Variants in TRIO observed in about 807,000 individuals in gnomAD.
The protein encoded by TRIO is triple functional domain protein.
Under a neutral mutation model 351.9 loss-of-function variants are expected in TRIO, and 58 were observed. That is an observed-to-expected ratio of 0.16 (90% CI 0.13 to 0.21). The LOEUF (loss-of-function observed/expected upper bound fraction) is 0.21, where lower values mean the gene tolerates loss of function less well. TRIO is among the 10% of genes least tolerant of loss of function. The pLI is 1.00. For synonymous variants in TRIO, 1,758 were observed against 1,595.7 expected (o/e 1.10, Z -2.42); for missense variants, 3,201 against 4,027.8 (o/e 0.79, Z 5.56).
chr5:14,503,042 A>G (rs1466788612), intron 54 of TRIO, among the ~76,000 whole-genome samples: 1 of 152,226 alleles, frequency 6.6e-6, no homozygotes, highest in Non-Finnish European at 1.5e-5. Flanking sequence ...TCAAGGAGTG[A>G]CAGTAAAATT....
At chr5:14,494,191 A>G (rs971934998) in intron 49 of TRIO, among the ~76,000 whole-genome samples, 1 of 152,184 alleles carries the variant, frequency 6.6e-6, no homozygotes, top group African/African-American at 2.4e-5. Context: ...ATATACCAAA[A>G]GGTTAATTCA....
chr5:14,395,873 G>T (rs781509627), intron 28 of TRIO, among the ~76,000 whole-genome samples: 2 of 151,800 alleles, frequency 1.3e-5, no homozygotes, highest in African/African-American at 2.4e-5. Context: ...GTGAAACCCC[G>T]TCTCTACTAA....
chr5:14,498,216 C>G lies in TRIO; in HGVS notation c.8175C>G (p.Thr2725=). Reference sequence around the variant, plus strand: ...CCTGGAAGGGCCCTGAACACAACACCTTGAACAACGATGGTCACTACAGCA... The same window carrying G: ...CCTGGAAGGGCCCTGAACACAACACGTTGAACAACGATGGTCACTACAGCA... ...SITWKGPEHN[T]LNNDGHYSIS... Residue 2725 remains threonine (T), a synonymous_variant, in exon 52 of 57, where the codon ACC becomes ACG. Transcript: ENST00000344204. 6.2e-7 allele frequency: 1 copy of G among 1,614,252 alleles called. No homozygotes were observed. Among genetic ancestry groups the G allele is most frequent in the Non-Finnish European group, 8.5e-7 (1 of 1,180,052 alleles).
chr5:14,204,663 T>TGAGAA (rs1791348163), intron 1 of TRIO, among the ~76,000 whole-genome samples: 1 of 152,240 alleles, frequency 6.6e-6, no homozygotes, highest in South Asian at 2.1e-4. Flanking sequence ...TCCTGAACCC[T>TGAGAA]GTCTCTCATT....
chr5:14,431,755 A>T lies in TRIO; in HGVS notation c.5203+11734A>T, dbSNP rs147258792. On this transcript the variant is annotated intron_variant, in intron 34 of 56. Transcript: ENST00000344204. ...GAGCCTGGGGGATTAAACAACAGACATTTATTCTCTCACAGTTCTGCAAGC... is the reference window on the plus strand; with the variant it reads ...GAGCCTGGGGGATTAAACAACAGACTTTTATTCTCTCACAGTTCTGCAAGC... Among the ~76,000 whole-genome samples the T allele has an allele frequency of 4.7e-3, 722 of 152,156 alleles. 3 individuals carry two copies. Among genetic ancestry groups the T allele is most frequent in the Admixed American group, 8.0e-3 (123 of 15,312 alleles).
chr5:14,402,009 G>A (rs1469976491), intron 31 of TRIO, among the ~76,000 whole-genome samples: 2 of 152,192 alleles, frequency 1.3e-5, no homozygotes, highest in African/African-American at 4.8e-5. Flanking sequence ...GGAAGCCATT[G>A]TGTTCATAAG....
intron 10 of TRIO, 83 bp from the exon 11 acceptor site, chr5:14,336,453 G>A (rs1561357119): frequency 7.4e-7 from 1 of 1,350,872 alleles, no homozygotes; most frequent in East Asian, 2.3e-5. Flanking sequence ...CAAATTGACT[G>A]TGTTGCTATA....
chr5:14,405,961 C>T lies in TRIO; in HGVS notation c.4830C>T (p.Thr1610=), dbSNP rs140153002. The change falls in exon 32 of 57, where the codon ACC becomes ACT. Residue 1610 remains threonine, a synonymous_variant. Coordinates refer to ENST00000344204, the MANE Select transcript of TRIO (RefSeq NM_007118.4). ...AGGAGCCCATTCACATCCCTAAGAC[C>T]GCTCCCGCCACAAGACAGAAGGGAA... is the stretch of plus-strand genomic sequence containing the variant. ...ALKEPIHIPK[T]APATRQKGRR... 1.4e-5 allele frequency: 23 copies of T among 1,607,600 alleles called. No homozygotes were observed. In the African/African-American group the frequency reaches 1.5e-4, roughly 10 times the overall value.
At chr5:14,385,813 G>A (rs76914632) in intron 21 of TRIO, among the ~76,000 whole-genome samples, 1,730 of 152,264 alleles carry the variant, frequency 0.011, 27 homozygotes, top group African/African-American at 0.04. Flanking sequence ...CCATTCAGTT[G>A]CTCAATAATT....
rs1757019760 is a variant in TRIO at position 14,498,131 on chromosome 5, A to G, written c.8090A>G (p.Glu2697Gly). 1.2e-6 allele frequency: 2 copies of G among 1,614,024 alleles called. No individual in the cohort carries two copies. Among genetic ancestry groups the G allele is most frequent in the African/African-American group, 2.7e-5 (2 of 74,892 alleles). The change falls in exon 52 of 57, where the codon GAG becomes GGG. Residue 2697 changes from glutamate (E) to glycine (G), a missense_variant. Physicochemically the swap from Glu to Gly is moderately conservative, Grantham distance 98. Transcript: ENST00000344204. ...ATTCCATTGAGTGAGGTCACGTGTG[A>G]GACAGGGGAGACCGTTGTTCTTAGA... is the stretch of plus-strand genomic sequence containing the variant. ...FVIPLSEVTC[E>G]TGETVVLRCR...
chr5:14,415,541 T>A (rs974314419), intron 33 of TRIO, among the ~76,000 whole-genome samples: 1 of 152,230 alleles, frequency 6.6e-6, no homozygotes, highest in African/African-American at 2.4e-5. Flanking sequence ...TTACAGCCAT[T>A]AACTGCGTTC....
At chr5:14,253,298 A>C (rs1376052480) in intron 1 of TRIO, among the ~76,000 whole-genome samples, 1 of 152,242 alleles carries the variant, frequency 6.6e-6, no homozygotes, top group Non-Finnish European at 1.5e-5. Flanking sequence ...AGTACAGAAT[A>C]GTACGTGTGT....
chr5:14,327,584 T>A (rs368688082), intron 9 of TRIO, among the ~76,000 whole-genome samples: 1 of 152,242 alleles, frequency 6.6e-6, no homozygotes, highest in Non-Finnish European at 1.5e-5. Flanking sequence ...CTATGGACTT[T>A]CCAGTAATCA....
At chr5:14,275,866 G>GTATATATATA (rs56388390) in intron 2 of TRIO, among the ~76,000 whole-genome samples, 24 of 143,942 alleles carry the variant, frequency 1.7e-4, no homozygotes, top group Non-Finnish European at 2.3e-4. Flanking sequence ...CTCTATGTGT[G>GTATATATATA]TATATATATA....
chr5:14,306,386 A>C (rs1431385722), intron 8 of TRIO, among the ~76,000 whole-genome samples: 1 of 152,338 alleles, frequency 6.6e-6, no homozygotes, highest in Non-Finnish European at 1.5e-5. Flanking sequence ...ACACATTTAT[A>C]ATTTTTTTAA....
intron 1 of TRIO, among the ~76,000 whole-genome samples, chr5:14,173,534 G>C (rs746152273): frequency 2.0e-5 from 3 of 152,042 alleles, no homozygotes; most frequent in Non-Finnish European, 4.4e-5. Flanking sequence ...TAAGTGTTCT[G>C]TGAGCCGCTA....
chr5:14,211,175 T>C (rs764560692), intron 1 of TRIO, among the ~76,000 whole-genome samples: 1 of 152,264 alleles, frequency 6.6e-6, no homozygotes, highest in Non-Finnish European at 1.5e-5. Context: ...CAACGATTCA[T>C]ATATTTAACA....
intron 1 of TRIO, among the ~76,000 whole-genome samples, chr5:14,233,766 GT>G (rs1793610733): frequency 6.6e-6 from 1 of 150,634 alleles, no homozygotes; most frequent in African/African-American, 2.4e-5. Context: ...TTTTTGTTTT[GT>G]TTTGGTTTTG....
Position 14,426,734 on chromosome 5 carries a change from G to C in TRIO, c.5203+6713G>C, listed in dbSNP as rs373402306. On this transcript the variant is annotated intron_variant, in intron 34 of 56. Coordinates refer to ENST00000344204, the MANE Select transcript of TRIO (RefSeq NM_007118.4). ...AAGCGGAGGAGATGGGCCTTCAGCA[G>C]GGGGTTGCGGGGGGAGCTTTAAACT... is the stretch of plus-strand genomic sequence containing the variant. 1.7e-3 allele frequency among the ~76,000 whole-genome samples: 257 copies of C among 152,326 alleles called. 1 individual carries two copies. The highest frequency in any genetic ancestry group is 5.8e-3 in the African/African-American group (241 of 41,574).
Sources: allele counts gnomAD v4.1 joint callset (sites outside exome capture counted in the v4.1 genomes callset), GRCh38; gene constraint gnomAD v4.1.1; transcripts MANE v1.5; gene names NCBI Gene and HGNC (gene_info 2026-07-23, HGNC 2026-07-21).